Variants in MEAK7 observed in about 807,000 individuals in gnomAD.
MEAK7 encodes the protein MTOR-associated protein MEAK7.
MEAK7 carries 68 observed loss-of-function variants against 40.5 expected under a neutral mutation model. The ratio of observed to expected loss-of-function variants is 1.68; its 90% CI spans 1.38 to 2.06. The LOEUF is 2.06. MEAK7 is among the 30% of genes most tolerant of loss of function. The probability of loss-of-function intolerance (pLI) is 0.00; values close to 1 mark genes in which losing one functional copy is unlikely to be tolerated. For synonymous variants in MEAK7, 338 were observed against 231.9 expected, an observed-to-expected ratio of 1.46 and a Z score of -4.16; for missense variants, 918 against 580.5, an observed-to-expected ratio of 1.58 and a Z score of -5.98.
intron 5 of MEAK7, among the ~76,000 whole-genome samples, chr16:84,482,939 G>A (rs764039358): frequency 2.0e-5 from 3 of 152,216 alleles, no homozygotes; most frequent in African/African-American, 7.2e-5. Context: ...ACATCTTTTA[G>A]CTCTGGCCAG....
At chr16:84,498,564 C>T (rs538275331) in intron 1 of MEAK7, among the ~76,000 whole-genome samples, 11 of 152,020 alleles carry the variant, frequency 7.2e-5, no homozygotes, top group Non-Finnish European at 1.3e-4. Context: ...TGTGAACCAC[C>T]GTGACTAGCT....
At chr16:84,490,807 G>C (rs1913532196) in intron 3 of MEAK7, among the ~76,000 whole-genome samples, 1 of 151,828 alleles carries the variant, frequency 6.6e-6, no homozygotes, top group East Asian at 1.9e-4. Flanking sequence ...GCTTCTGCGT[G>C]TCTCTCCTTC....
At chr16:84,502,647 G>C (rs191008490) in intron 1 of MEAK7, 3 of 151,978 alleles carry the variant, frequency 2.0e-5, no homozygotes, top group Admixed American at 1.3e-4. Flanking sequence ...ACTTTGGGAG[G>C]ATCATTTGAG....
At chr16:84,490,653 G>GGGGTGTGTGTGTGTGT (rs571630201) in intron 3 of MEAK7, among the ~76,000 whole-genome samples, 1 of 104,432 alleles carries the variant, frequency 9.6e-6, no homozygotes, top group African/African-American at 4.1e-5. Context: ...AGCTAATCAA[G>GGGGTGTGTGTGTGTGT]ATGTGTGTGT....
intron 5 of MEAK7, among the ~76,000 whole-genome samples, chr16:84,484,051 G>A (rs569076050): frequency 1.3e-5 from 2 of 152,264 alleles, no homozygotes; most frequent in African/African-American, 4.8e-5. Flanking sequence ...CCCCCGCCCC[G>A]CTCTCCCCGA....
chr16:84,487,847 A>G (rs451507), intron 4 of MEAK7: 77,436 of 152,046 alleles, frequency 0.51, 20,582 homozygotes, highest in East Asian at 0.9. Flanking sequence ...TTCCTCAGGT[A>G]TAAAATGGAG....
chr16:84,476,995 G>C lies in MEAK7; in HGVS notation c.*2918C>G, dbSNP rs1045460059. ...CAGCCTCAACCTTCCAGGCCTAAATGATCCTCACACCTCAGCCTCCCAAGT... is the reference window on the plus strand; with the variant it reads ...CAGCCTCAACCTTCCAGGCCTAAATCATCCTCACACCTCAGCCTCCCAAGT... On this transcript the variant is annotated 3_prime_UTR_variant, in exon 8 of 8. Transcript: ENST00000343629. 29 of 151,818 alleles carry C rather than the reference G, an allele frequency of 1.9e-4. No individual in the cohort carries two copies. Among genetic ancestry groups the C allele is most frequent in the Admixed American group, 1.6e-3 (25 of 15,244 alleles). 9.4% of individuals were successfully genotyped at this position (151,818 alleles called of 1,614,324 possible).
At chr16:84,498,920 G>C (rs1914274878) in intron 1 of MEAK7, among the ~76,000 whole-genome samples, 2 of 151,940 alleles carry the variant, frequency 1.3e-5, no homozygotes, top group Admixed American at 1.3e-4. Context: ...TCTTGGGCAA[G>C]CTACTAAAAC....
intron 7 of MEAK7, among the ~76,000 whole-genome samples, 199 bp downstream of exon 7, chr16:84,480,330 C>T (rs1463602676): frequency 6.6e-6 from 1 of 152,176 alleles, no homozygotes; most frequent in East Asian, 1.9e-4. Context: ...CCCAGGGCTG[C>T]TCTACTAAAC....
intron 4 of MEAK7, 146 bp downstream of exon 4, chr16:84,489,132 T>C: frequency 2.8e-6 from 3 of 1,069,082 alleles, no homozygotes; most frequent in Non-Finnish European, 3.8e-6. Context: ...TATTTTAAAA[T>C]ATGCCAACAA....
chr16:84,481,584 G>A (rs1384532708), intron 6 of MEAK7, among the ~76,000 whole-genome samples: 2 of 152,156 alleles, frequency 1.3e-5, no homozygotes, highest in Non-Finnish European at 2.9e-5. Flanking sequence ...TCCCTATATC[G>A]GACCAGCCTT....
chr16:84,494,539 A>C (rs1353880838), intron 3 of MEAK7, among the ~76,000 whole-genome samples: 1 of 152,210 alleles, frequency 6.6e-6, no homozygotes, highest in Non-Finnish European at 1.5e-5. Flanking sequence ...CTGGAGTAAC[A>C]GCGACCTATT....
At chr16:84,490,198 C>T (rs957488509) in intron 3 of MEAK7, among the ~76,000 whole-genome samples, 1 of 151,744 alleles carries the variant, frequency 6.6e-6, no homozygotes, top group Non-Finnish European at 1.5e-5. Context: ...ATCAACTCTA[C>T]CTGACTTGGT....
chr16:84,488,101 A>G (rs1034080347), intron 4 of MEAK7: 1 of 152,154 alleles, frequency 6.6e-6, no homozygotes, highest in African/African-American at 2.4e-5. Context: ...AAACAGTTTC[A>G]TTTCTCATTA....
chr16:84,481,133 C>T (rs1021387997), intron 6 of MEAK7, among the ~76,000 whole-genome samples: 16 of 152,372 alleles, frequency 1.1e-4, no homozygotes, highest in South Asian at 2.1e-4. Context: ...TTCCGGGCAG[C>T]GATCCTCACC....
Position 84,495,708 on chromosome 16 carries a change from G to T in MEAK7, c.359C>A (p.Pro120His). 1 of 1,614,050 alleles carries T rather than the reference G, an allele frequency of 6.2e-7. No homozygotes were observed. The highest frequency in any genetic ancestry group is 1.7e-5 in the Admixed American group (1 of 60,004). The change falls in exon 3 of 8, where the codon CCC becomes CAC. Residue 120 changes from proline (P) to histidine (H), a missense_variant. Coordinates refer to ENST00000343629, the MANE Select transcript of MEAK7 (RefSeq NM_020947.4). ...CTTTTGGACTTCTCTGGCCTTCACG[G>T]GACCTTCTGTGGCAGAAATCATTTT... ...IMKMISATEG[P>H]VKAREVQKFT...
At chr16:84,500,608 T>C (rs1239097227) in intron 1 of MEAK7, among the ~76,000 whole-genome samples, 1 of 152,122 alleles carries the variant, frequency 6.6e-6, no homozygotes, top group Non-Finnish European at 1.5e-5. Flanking sequence ...AACGAGGGCT[T>C]ACCCGACCCC....
chr16:84,479,536 G>C lies in MEAK7; in HGVS notation c.*377C>G, dbSNP rs1912325432. On this transcript the variant is annotated 3_prime_UTR_variant, in exon 8 of 8. Transcript: ENST00000343629. ...CCAGCGGAATTCCCTAATGCCAGCG[G>C]AATTCCCTAATGCCAGCGGAATTCC... The C allele has an allele frequency of 6.4e-6, 1 of 155,952 alleles. No individual in the cohort carries two copies. The highest frequency in any genetic ancestry group is 2.5e-5 in the African/African-American group (1 of 39,790). 9.7% of individuals were successfully genotyped at this position (155,952 alleles called of 1,614,324 possible).
intron 7 of MEAK7, 34 bp downstream of exon 7, chr16:84,480,495 G>C (rs202109586): frequency 6.4e-7 from 1 of 1,552,302 alleles, no homozygotes; most frequent in Non-Finnish European, 8.7e-7. Flanking sequence ...GGCTCAAGGG[G>C]CCATCCTGGG....
Sources: gnomAD v4.1 joint callset for allele counts (sites outside exome capture counted in the v4.1 genomes callset) on GRCh38, gnomAD v4.1.1 for gene constraint, MANE v1.5 for transcripts, NCBI Gene and HGNC (gene_info 2026-07-23, HGNC 2026-07-21) for gene names.